Variants in TIPRL observed in about 807,000 individuals in gnomAD.
TIPRL encodes TIP41-like protein.
A neutral mutation model predicts 32.3 loss-of-function variants in TIPRL; 10 were observed. The observed-to-expected ratio is 0.31, with a 90% CI of 0.19 to 0.52. TIPRL has a LOEUF of 0.52. TIPRL is among the 20% of genes least tolerant of loss of function. The probability of loss-of-function intolerance (pLI) is 0.96; values close to 1 mark genes in which losing one functional copy is unlikely to be tolerated. For synonymous variants in TIPRL, 100 were observed against 114.0 expected (o/e 0.88, Z 0.78); for missense variants, 250 against 328.1 (o/e 0.76, Z 1.84).
At chr1:168,199,638 T>C (rs1700189781) in intron 6 of TIPRL, among the ~76,000 whole-genome samples, 1 of 152,302 alleles carries the variant, frequency 6.6e-6, no homozygotes, top group South Asian at 2.1e-4. Context: ...AGGAGATACA[T>C]AGGGTTGGAT....
At position 168,201,329 on chromosome 1, in the gene TIPRL, T is replaced by C. The variant is rs1700205769; in HGVS notation, c.*1283T>C. The C allele has an allele frequency of 6.6e-6, 1 of 152,158 alleles. No homozygotes were observed. Among genetic ancestry groups the C allele is most frequent in the African/African-American group, 2.4e-5 (1 of 41,456 alleles). The allele number at this position is 152,158 out of a possible 1,614,324, so 9.4% of individuals were successfully genotyped here. A position where few individuals can be genotyped will look rare whatever the true frequency, so the allele number is the denominator to read the frequency against. On this transcript the variant is annotated 3_prime_UTR_variant, in exon 7 of 7. Transcript: ENST00000367833. ...ATGGATAAATCATTAAGTAAGAATA[T>C]TTGATTTAAAGTATTAGCCAACCTC...
intron 1 of TIPRL, among the ~76,000 whole-genome samples, chr1:168,179,968 G>C (rs773081089): frequency 1.4e-4 from 21 of 152,142 alleles, no homozygotes; most frequent in Admixed American, 5.2e-4. Context: ...GGTGTTGTGA[G>C]AGATGAGAGG....
intron 4 of TIPRL, 42 bp from the exon 5 acceptor site, chr1:168,196,505 A>G: frequency 1.5e-6 from 2 of 1,373,448 alleles, no homozygotes; most frequent in South Asian, 1.5e-5. Context: ...AAAATGTTTA[A>G]TTTTTATTAA....
At chr1:168,183,643 A>T (rs1699993740) in intron 1 of TIPRL, among the ~76,000 whole-genome samples, 1 of 152,118 alleles carries the variant, frequency 6.6e-6, no homozygotes, top group East Asian at 1.9e-4. Context: ...TGTGCTATAT[A>T]TTATAGTAGT....
At chr1:168,180,740 T>A (rs1012888438) in intron 1 of TIPRL, among the ~76,000 whole-genome samples, 8 of 151,442 alleles carry the variant, frequency 5.3e-5, no homozygotes, top group African/African-American at 1.5e-4. Context: ...AGGAAAAAAA[T>A]TTCCCTTCAT....
intron 5 of TIPRL, among the ~76,000 whole-genome samples, chr1:168,197,254 G>A (rs544749700): frequency 3.5e-4 from 53 of 150,948 alleles, no homozygotes; most frequent in African/African-American, 1.2e-3. Context: ...TGAAGGTTGA[G>A]GCTGCAGTGA....
intron 4 of TIPRL, among the ~76,000 whole-genome samples, chr1:168,194,203 G>T (rs1700127869): frequency 6.6e-6 from 1 of 152,074 alleles, no homozygotes; most frequent in Non-Finnish European, 1.5e-5. Context: ...TCACCTCTGT[G>T]AATGCCTGGT....
chr1:168,187,326 C>T (rs975258292), intron 3 of TIPRL, among the ~76,000 whole-genome samples: 2 of 152,194 alleles, frequency 1.3e-5, no homozygotes, highest in African/African-American at 2.4e-5. Flanking sequence ...ACTTTGTGGA[C>T]TGACTTAGGA....
chr1:168,201,713 C>A lies in TIPRL; in HGVS notation c.*1667C>A, dbSNP rs1412575919. The A allele has an allele frequency of 6.6e-6, 1 of 150,780 alleles. No homozygotes were observed. Among genetic ancestry groups the A allele is most frequent in the Non-Finnish European group, 1.5e-5 (1 of 67,742 alleles). The allele number at this position is 150,780 out of a possible 1,614,324, so 9.3% of individuals were successfully genotyped here. A position where few individuals can be genotyped will look rare whatever the true frequency, so the allele number is the denominator to read the frequency against. On this transcript the variant is annotated 3_prime_UTR_variant, in exon 7 of 7. Coordinates refer to ENST00000367833, the MANE Select transcript of TIPRL (RefSeq NM_152902.5). ...ATAGAACAGGCTCTATTCATGCAAACTATATGAAATGAAAAACTTTTAAGA... is the reference window on the plus strand; with the variant it reads ...ATAGAACAGGCTCTATTCATGCAAAATATATGAAATGAAAAACTTTTAAGA...
rs765061110 is a variant in TIPRL, at chr1:168,179,048, C to T, written c.-30C>T. ...CCGCCGCCGCTGCTTCAGCTTATTC[C>T]TTGTGGCCTCTGCGGGTCCTGCCTC... On this transcript the variant is annotated 5_prime_UTR_variant, in exon 1 of 7. Transcript: ENST00000367833. 1 of 1,602,168 alleles carries T rather than the reference C, an allele frequency of 6.2e-7. No individual in the cohort carries two copies.
chr1:168,199,685 A>G (rs920108438), intron 6 of TIPRL, among the ~76,000 whole-genome samples: 1 of 152,196 alleles, frequency 6.6e-6, no homozygotes, highest in Non-Finnish European at 1.5e-5. Flanking sequence ...TTGTGGGAAC[A>G]TTATAGATTA....
At chr1:168,196,967 T>A (rs1398144664) in intron 5 of TIPRL, among the ~76,000 whole-genome samples, 2 of 152,196 alleles carry the variant, frequency 1.3e-5, no homozygotes, top group Admixed American at 1.3e-4. Flanking sequence ...CAGTATATGT[T>A]GTTTATGTAA....
intron 1 of TIPRL, among the ~76,000 whole-genome samples, chr1:168,182,092 C>CTT (rs58109371): frequency 6.6e-6 from 1 of 150,392 alleles, no homozygotes; most frequent in Non-Finnish European, 1.5e-5. Flanking sequence ...AAAAAAATGC[C>CTT]TTTTTTTATA....
intron 1 of TIPRL, among the ~76,000 whole-genome samples, 176 bp downstream of exon 1, chr1:168,179,357 G>A (rs551785934): frequency 1.1e-4 from 16 of 152,282 alleles, no homozygotes; most frequent in Middle Eastern, 3.4e-3. Flanking sequence ...CGGGCCCTTT[G>A]GTTGGGGATC....
chr1:168,191,500 TGTGA>T lies in TIPRL; in HGVS notation c.516+3_516+6del, dbSNP rs771475671. The T allele has an allele frequency of 2.0e-6, 3 of 1,489,426 alleles. No individual in the cohort carries two copies. The highest frequency in any genetic ancestry group is 1.4e-5 in the South Asian group (1 of 69,490). 92.3% of individuals were successfully genotyped at this position (1,489,426 alleles called of 1,614,324 possible). A position where few individuals can be genotyped will look rare whatever the true frequency, so the allele number is the denominator to read the frequency against. ...GAGTTTCAAGCCTGAGTGTGAAGAT[TGTGA>T]GTATTATTTTTATTTAAAATTAATA... is the stretch of plus-strand genomic sequence containing the variant. On this transcript the variant is annotated splice_donor_variant and splice_donor_region_variant and intron_variant, in intron 4 of 6. Coordinates refer to ENST00000367833, the MANE Select transcript of TIPRL (RefSeq NM_152902.5). LOFTEE classifies it high-confidence loss of function.
rs533333229 is a variant in TIPRL at position 168,179,062 on chromosome 1, G to C, written c.-16G>C. On this transcript the variant is annotated 5_prime_UTR_variant, in exon 1 of 7. Coordinates refer to ENST00000367833, the MANE Select transcript of TIPRL (RefSeq NM_152902.5). Reference sequence around the variant, plus strand: ...TCAGCTTATTCCTTGTGGCCTCTGCGGGTCCTGCCTCAGCCATGATGATCC... The same window carrying C: ...TCAGCTTATTCCTTGTGGCCTCTGCCGGTCCTGCCTCAGCCATGATGATCC... 7 of 1,611,756 alleles carry C rather than the reference G, an allele frequency of 4.3e-6. No individual in the cohort carries two copies. Among genetic ancestry groups the C allele is most frequent in the Non-Finnish European group, 5.9e-6 (7 of 1,178,362 alleles).
intron 3 of TIPRL, among the ~76,000 whole-genome samples, chr1:168,187,538 G>C (rs775840514): frequency 3.3e-4 from 50 of 152,222 alleles, no homozygotes; most frequent in Non-Finnish European, 6.5e-4. Flanking sequence ...GTGGTAATGA[G>C]CTCAGGCTTT....
In TIPRL at chr1:168,188,869, T is replaced by C. The variant is rs572379521; in HGVS notation, c.385-2500T>C. Among the ~76,000 whole-genome samples the C allele has an allele frequency of 6.6e-5, 10 of 152,180 alleles. No individual in the cohort carries two copies. The South Asian group carries it at 2.1e-3, about 32-fold the overall frequency. ...TGTGGCATGTGTGTGTAATCCTCGC[T>C]ACTTGGGAGGCTGAGGCACAAGAAT... On this transcript the variant is annotated intron_variant, in intron 3 of 6. Transcript: ENST00000367833.
chr1:168,184,169 C>G (rs999865051), intron 2 of TIPRL, 88 bp downstream of exon 2: 7 of 1,175,250 alleles, frequency 6.0e-6, no homozygotes, highest in Non-Finnish European at 8.3e-6. Context: ...AGTAATGATA[C>G]GTGTGTGTTG....
Sources: gnomAD v4.1 joint callset for allele counts (sites outside exome capture counted in the v4.1 genomes callset) on GRCh38, gnomAD v4.1.1 for gene constraint, MANE v1.5 for transcripts, NCBI Gene and HGNC (gene_info 2026-07-23, HGNC 2026-07-21) for gene names.